The following COBLL1 variants were observed in gnomAD, a reference collection of about 807,000 sequenced individuals.
COBLL1 encodes cordon-bleu protein-like 1.
A neutral mutation model predicts 94.8 loss-of-function variants in COBLL1; 50 were observed. The ratio of observed to expected loss-of-function variants is 0.53; its 90% CI spans 0.42 to 0.67. The LOEUF is 0.67. COBLL1 is among the 30% of genes least tolerant of loss of function. COBLL1 has a pLI of 0.00. For missense variants in COBLL1, 1,362 were observed against 1,348.7 expected, an observed-to-expected ratio of 1.01 and a Z score of -0.15; for synonymous variants, 448 against 473.8, an observed-to-expected ratio of 0.95 and a Z score of 0.71.
At chr2:164,795,099 G>A (rs556479774) in intron 2 of COBLL1, among the ~76,000 whole-genome samples, 10 of 152,208 alleles carry the variant, frequency 6.6e-5, no homozygotes, top group Non-Finnish European at 1.3e-4. Flanking sequence ...CACATATCAA[G>A]TAATCAAATA....
intron 2 of COBLL1, among the ~76,000 whole-genome samples, chr2:164,745,603 C>A (rs1246867007): frequency 1.3e-5 from 2 of 152,118 alleles, no homozygotes; most frequent in East Asian, 3.9e-4. Flanking sequence ...GCAAAATTAC[C>A]ATCAAGTTTG....
At chr2:164,841,857 G>A (rs1310865131), upstream of COBLL1, 4 of 846,814 alleles carry the variant, frequency 4.7e-6, no homozygotes, top group African/African-American at 5.3e-5. This position sits in a 1 kb window ranked among gnomAD's most constrained non-coding sequence, Gnocchi z 5.5. Context: ...GCTCAGCCCA[G>A]CGCGGGCAGG....
intron 2 of COBLL1, among the ~76,000 whole-genome samples, chr2:164,803,424 G>C (rs1166405420): frequency 6.6e-6 from 1 of 151,338 alleles, no homozygotes; most frequent in Admixed American, 6.6e-5. Context: ...AATTAGCCGG[G>C]CGTAGTGGCG....
intron 2 of COBLL1, among the ~76,000 whole-genome samples, chr2:164,817,949 C>A (rs544209794): frequency 6.6e-6 from 1 of 152,146 alleles, no homozygotes; most frequent in Admixed American, 6.5e-5. Flanking sequence ...ATATGTTGAA[C>A]AAATTACATC....
chr2:164,774,904 AT>A (rs1318781982), intron 2 of COBLL1, among the ~76,000 whole-genome samples: 2 of 151,534 alleles, frequency 1.3e-5, no homozygotes, highest in African/African-American at 4.9e-5. Context: ...GGAGATACAT[AT>A]TTTAATCTGC....
At chr2:164,746,617 T>A (rs1222829173) in intron 2 of COBLL1, among the ~76,000 whole-genome samples, 1 of 152,022 alleles carries the variant, frequency 6.6e-6, no homozygotes. Context: ...CAAACCATCA[T>A]AAATCCAGAT....
At chr2:164,726,515 T>C (rs1685729896) in intron 5 of COBLL1, among the ~76,000 whole-genome samples, 1 of 152,010 alleles carries the variant, frequency 6.6e-6, no homozygotes, top group African/African-American at 2.4e-5. Flanking sequence ...AAATAAATAA[T>C]AAAAAAATCA....
rs1683900477 is a variant in COBLL1, at chr2:164,695,626, T to C, written c.1766A>G (p.Gln589Arg). The C allele has an allele frequency of 2.5e-6, 4 of 1,613,854 alleles. No homozygotes were observed. The highest frequency in any genetic ancestry group is 2.2e-5 in the South Asian group (2 of 91,072). ...TTCTGCACTGGGTTGATTCAGTTTT[T>C]GATCTGGTACTGATGAAGCTGCTAG... ...NHLAASSVPD[Q>R]KLNQPSAEKT... Residue 589 changes from glutamine to arginine, a missense_variant, in exon 12 of 14, where the codon CAA (glutamine) becomes CGA (arginine). Physicochemically the swap from Gln to Arg is conservative, Grantham distance 43 (BLOSUM62 1). Transcript: ENST00000652658.
intron 3 of COBLL1, among the ~76,000 whole-genome samples, chr2:164,731,745 G>C (rs1385256739): frequency 1.3e-5 from 2 of 152,178 alleles, no homozygotes; most frequent in South Asian, 2.1e-4. Context: ...TTCTTGACTA[G>C]AGATATAAAC....
chr2:164,775,177 T>C (rs992232839), intron 2 of COBLL1, among the ~76,000 whole-genome samples: 1 of 151,556 alleles, frequency 6.6e-6, no homozygotes, highest in African/African-American at 2.4e-5. Flanking sequence ...AATGCATTCA[T>C]AGTTTCTACT....
Position 164,841,085 on chromosome 2 carries a change from C to T in COBLL1, c.41+71G>A. 8.2e-7 allele frequency: 1 copy of T among 1,222,168 alleles called. No homozygotes were observed. Among genetic ancestry groups the T allele is most frequent in the Non-Finnish European group, 1.0e-6 (1 of 980,110 alleles). 75.7% of individuals were successfully genotyped at this position (1,222,168 alleles called of 1,614,324 possible). On this transcript the variant is annotated intron_variant, in intron 2 of 13. Coordinates refer to ENST00000652658, the MANE Select transcript of COBLL1 (RefSeq NM_001365672.2). The surrounding 1 kb of genome is among the most constrained non-coding windows in gnomAD (Gnocchi z 5.5). The stretch of plus-strand genomic sequence containing the variant: ...GCAGCGAGTTGCCAGCCAGGTGAAA[C>T]GGCCGAGGCCTCGCTGTCCTCGCCG...
intron 1 of COBLL1, among the ~76,000 whole-genome samples, chr2:164,669,944 A>G (rs563416090): frequency 7.9e-5 from 12 of 152,332 alleles, no homozygotes; most frequent in African/African-American, 2.9e-4. Flanking sequence ...GACTTTCTGT[A>G]TTGCACCAAC....
At chr2:164,714,712 C>T (rs558987384) in intron 7 of COBLL1, among the ~76,000 whole-genome samples, 358 of 152,242 alleles carry the variant, frequency 2.4e-3, no homozygotes, top group Non-Finnish European at 4.2e-3. Flanking sequence ...CCTCTGTTAA[C>T]ACATGCTGGT....
intron 2 of COBLL1, among the ~76,000 whole-genome samples, chr2:164,815,438 T>C (rs930116977): frequency 4.0e-5 from 6 of 151,306 alleles, no homozygotes; most frequent in Non-Finnish European, 8.8e-5. Flanking sequence ...ATGCATACTT[T>C]CCAAATGCTT....
intron 9 of COBLL1, chr2:164,703,805 A>G (rs920263577): frequency 9.1e-6 from 2 of 219,610 alleles, no homozygotes; most frequent in Non-Finnish European, 2.0e-5. Context: ...AGTCTATCAC[A>G]TTCATTGATG....
intron 2 of COBLL1, among the ~76,000 whole-genome samples, chr2:164,808,420 T>C (rs1295464746): frequency 6.6e-6 from 1 of 152,186 alleles, no homozygotes; most frequent in African/African-American, 2.4e-5. Flanking sequence ...TCCTTTTGTT[T>C]TCATCATCAG....
intron 2 of COBLL1, among the ~76,000 whole-genome samples, chr2:164,805,162 A>G (rs576137549): frequency 3.3e-5 from 5 of 150,480 alleles, no homozygotes; most frequent in Non-Finnish European, 7.4e-5. Flanking sequence ...AAAAAGTACA[A>G]ACATACTCCT....
chr2:164,705,926 C>A (rs1484088834), intron 7 of COBLL1, among the ~76,000 whole-genome samples: 1 of 152,068 alleles, frequency 6.6e-6, no homozygotes, highest in African/African-American at 2.4e-5. Context: ...CCCAGCTACT[C>A]GGGAGGCTAA....
intron 2 of COBLL1, among the ~76,000 whole-genome samples, chr2:164,744,154 C>T (rs1239853150): frequency 6.6e-6 from 1 of 152,098 alleles, no homozygotes; most frequent in Admixed American, 6.6e-5. Context: ...AATTTAGTTA[C>T]TGTGTGTTCA....
Sources: gnomAD v4.1 joint callset for allele counts (sites outside exome capture counted in the v4.1 genomes callset) on GRCh38, gnomAD v4.1.1 for gene constraint, Gnocchi (gnomAD v3.1) non-coding constraint, MANE v1.5 for transcripts, NCBI Gene and HGNC (gene_info 2026-07-23, HGNC 2026-07-21) for gene names.